Variants in CHLSN observed in about 807,000 individuals in gnomAD.
CHLSN encodes the protein protein cholesin.
chr7:999,328 G>C, the CHLSN span, among the ~76,000 whole-genome samples: 1 of 152,228 alleles, frequency 6.6e-6, no homozygotes, highest in Non-Finnish European at 1.5e-5. Context: ...AGCTGCGCCG[G>C]GCGTGAGGGT....
At chr7:1,042,601 G>A in the CHLSN span, among the ~76,000 whole-genome samples, 2 of 152,222 alleles carry the variant, frequency 1.3e-5, no homozygotes, top group African/African-American at 4.8e-5. Context: ...GGCAGGACTG[G>A]CCTGCTTGGC....
the CHLSN span, among the ~76,000 whole-genome samples, chr7:1,090,561 G>A: frequency 4.0e-5 from 6 of 149,054 alleles, no homozygotes; most frequent in South Asian, 1.3e-3. Flanking sequence ...CGGCAGAGCC[G>A]GGGTGACACG....
At chr7:1,057,977 C>A in the CHLSN span, 1 of 770,922 alleles carries the variant, frequency 1.3e-6, no homozygotes. Context: ...TGTGGGGTGG[C>A]GCGCTGCTGA....
At chr7:1,126,829 C>G in the CHLSN span, among the ~76,000 whole-genome samples, 4 of 152,182 alleles carry the variant, frequency 2.6e-5, no homozygotes. Flanking sequence ...TTCAAACGGA[C>G]AATAATCGTG....
At chr7:1,116,052 T>C in the CHLSN span, among the ~76,000 whole-genome samples, 1 of 116,994 alleles carries the variant, frequency 8.5e-6, no homozygotes, top group Non-Finnish European at 1.8e-5. Flanking sequence ...ACGGACCCGC[T>C]TCCATCACCG....
the CHLSN span, among the ~76,000 whole-genome samples, chr7:1,070,613 TG>T: frequency 1.6e-5 from 2 of 122,732 alleles, no homozygotes; most frequent in African/African-American, 3.1e-5. Flanking sequence ...CACACATGCA[TG>T]CACACACGCA....
chr7:1,088,398 T>C, the CHLSN span: 1 of 152,196 alleles, frequency 6.6e-6, no homozygotes. The surrounding 1 kb of genome is among the most constrained non-coding windows in gnomAD (Gnocchi z 4.5). Flanking sequence ...CAGGCCGCTG[T>C]CCTGTTATGG....
chr7:1,098,382 A>C, the CHLSN span, among the ~76,000 whole-genome samples: 4 of 152,254 alleles, frequency 2.6e-5, no homozygotes, highest in Admixed American at 6.5e-5. Context: ...CCAGATGTCC[A>C]TAAGCCAATA....
At chr7:1,007,980 C>T in the CHLSN span, among the ~76,000 whole-genome samples, 4 of 152,140 alleles carry the variant, frequency 2.6e-5, no homozygotes, top group Admixed American at 2.0e-4. Flanking sequence ...ACGTCCCCAA[C>T]GTCCCCCTTG....
chr7:1,135,532 C>T, the CHLSN span, among the ~76,000 whole-genome samples: 9 of 151,314 alleles, frequency 5.9e-5, no homozygotes, highest in South Asian at 1.0e-3. Context: ...TTTGGGAGGC[C>T]GAGGCGGGGA....
At chr7:1,041,742 A>G in the CHLSN span, among the ~76,000 whole-genome samples, 1 of 151,678 alleles carries the variant, frequency 6.6e-6, no homozygotes, top group East Asian at 1.9e-4. Context: ...TGCCAACACA[A>G]TCACTAGAGA....
the CHLSN span, chr7:1,093,857 G>A: frequency 1.1e-5 from 4 of 349,984 alleles, no homozygotes; most frequent in South Asian, 8.8e-5. Context: ...GGGGTGGGAC[G>A]TGGGGTGGGC....
chr7:1,121,638 G>C, the CHLSN span, among the ~76,000 whole-genome samples: 1 of 152,234 alleles, frequency 6.6e-6, no homozygotes, highest in East Asian at 1.9e-4. Context: ...CCTGTGCCCC[G>C]CGTTCTGGCT....
the CHLSN span, among the ~76,000 whole-genome samples, chr7:983,815 A>G: frequency 6.6e-6 from 1 of 152,168 alleles, no homozygotes; most frequent in Non-Finnish European, 1.5e-5. Context: ...CATCTGTGAA[A>G]TGGGAAGAGG....
At chr7:1,028,845 C>G in the CHLSN span, 1 of 764,682 alleles carries the variant, frequency 1.3e-6, no homozygotes, top group Non-Finnish European at 1.6e-6. Flanking sequence ...CTACCCCCAT[C>G]TTCCCAGTCT....
chr7:1,124,414 GC>G, the CHLSN span, among the ~76,000 whole-genome samples: 1 of 151,792 alleles, frequency 6.6e-6, no homozygotes, highest in Admixed American at 6.6e-5. Context: ...AGTCGTGTGT[GC>G]CTGAGGCTCT....
At chr7:1,122,854 C>T in the CHLSN span, among the ~76,000 whole-genome samples, 6,056 of 152,310 alleles carry the variant, frequency 0.04, 303 homozygotes, top group African/African-American at 0.12. Context: ...CCAACCCCAG[C>T]GGCAGAACCT....
the CHLSN span, among the ~76,000 whole-genome samples, chr7:1,073,540 T>C: frequency 6.6e-6 from 1 of 152,112 alleles, no homozygotes; most frequent in African/African-American, 2.4e-5. Context: ...CTTTTTTTAC[T>C]GTGGTTTCCT....
At chr7:1,060,762 G>A in the CHLSN span, among the ~76,000 whole-genome samples, 5 of 152,206 alleles carry the variant, frequency 3.3e-5, no homozygotes, top group East Asian at 5.8e-4. Flanking sequence ...CTTTAAAGCC[G>A]CAGGCCTGAC....
Sources: gnomAD v4.1 joint callset for allele counts (sites outside exome capture counted in the v4.1 genomes callset) on GRCh38, gnomAD v4.1.1 for gene constraint, Gnocchi (gnomAD v3.1) non-coding constraint, MANE v1.5 for transcripts, NCBI Gene and HGNC (gene_info 2026-07-23, HGNC 2026-07-21) for gene names.